Variants in SSH1 observed in about 807,000 individuals in gnomAD.
SSH1 encodes slingshot protein phosphatase 1.
Under a neutral mutation model 79.7 loss-of-function variants are expected in SSH1, and 43 were observed. That is an observed-to-expected ratio of 0.54 (90% CI 0.42 to 0.70). The LOEUF (loss-of-function observed/expected upper bound fraction) is 0.70, where lower values mean the gene tolerates loss of function less well. SSH1 is among the 30% of genes least tolerant of loss of function. The pLI is 0.00. For synonymous variants in SSH1, 599 were observed against 538.3 expected, an observed-to-expected ratio of 1.11 and a Z score of -1.56; for missense variants, 1,206 against 1,358.8, an observed-to-expected ratio of 0.89 and a Z score of 1.77.
Position 108,826,070 on chromosome 12 carries a change from T to C in SSH1, c.111-2709A>G, listed in dbSNP as rs1481355016. The C allele has an allele frequency of 3.4e-5, 15 of 440,282 alleles. No individual in the cohort carries two copies. The East Asian group carries it at 9.1e-4, about 27-fold the overall frequency. 27.3% of individuals were successfully genotyped at this position (440,282 alleles called of 1,614,324 possible). ...TTCGAGACAACATCAACTGCTTTTGTTCATGAGATTAAAAAAAAAAAATTC... is the reference window on the plus strand; with the variant it reads ...TTCGAGACAACATCAACTGCTTTTGCTCATGAGATTAAAAAAAAAAAATTC... On this transcript the variant is annotated intron_variant, in intron 2 of 14. Transcript: ENST00000326495.
Position 108,857,459 on chromosome 12 carries a change from C to CTGGGCG in SSH1, c.32_37dup (p.Thr11_Pro12dup). ...GTTGCTGGCCGAGGAGGAGGCGGCG[C>CTGGGCG]TGGGCGTGGGCGAGCGCTGCAGGGT... is the stretch of plus-strand genomic sequence containing the variant. On this transcript the variant is annotated inframe_insertion, in exon 1 of 15. Coordinates refer to ENST00000326495, the MANE Select transcript of SSH1 (RefSeq NM_018984.4). The surrounding 1 kb of genome is among the most constrained non-coding windows in gnomAD (Gnocchi z 4.7). 8.9e-7 allele frequency: 1 copy of CTGGGCG among 1,122,962 alleles called. No individual in the cohort carries two copies. The highest frequency in any genetic ancestry group is 1.1e-6 in the Non-Finnish European group (1 of 900,624). 69.6% of individuals were successfully genotyped at this position (1,122,962 alleles called of 1,614,324 possible). A position where few individuals can be genotyped will look rare whatever the true frequency, so the allele number is the denominator to read the frequency against.
chr12:108,822,551 A>G (rs2038162888), intron 3 of SSH1, among the ~76,000 whole-genome samples: 1 of 152,136 alleles, frequency 6.6e-6, no homozygotes, highest in Non-Finnish European at 1.5e-5. Context: ...GGCTCAAGCG[A>G]TCCTCCCAAC....
At chr12:108,803,663 G>A (rs926065899) in intron 10 of SSH1, among the ~76,000 whole-genome samples, 2 of 152,156 alleles carry the variant, frequency 1.3e-5, no homozygotes, top group African/African-American at 2.4e-5. Context: ...CGCGAGTGCC[G>A]CTGAAGCTGA....
intron 10 of SSH1, 117 bp downstream of exon 10, chr12:108,804,939 C>T (rs2037202848): frequency 2.3e-6 from 3 of 1,280,182 alleles, no homozygotes; most frequent in African/African-American, 3.0e-5. Context: ...AGGATGGAGG[C>T]TCTGGCAACT....
At chr12:108,836,837 T>C in intron 2 of SSH1, 1 of 504,482 alleles carries the variant, frequency 2.0e-6, no homozygotes, top group South Asian at 1.5e-5. Flanking sequence ...CCTTGGGTGA[T>C]GTTCCAGCCA....
At chr12:108,808,268 T>TG (rs1209280333) in intron 7 of SSH1, among the ~76,000 whole-genome samples, 1 of 152,212 alleles carries the variant, frequency 6.6e-6, no homozygotes, top group Non-Finnish European at 1.5e-5. Context: ...GGCTCACTCT[T>TG]GGAGTCACAC....
Position 108,784,161 on chromosome 12 carries a change from G to C in SSH1, c.*3827C>G, listed in dbSNP as rs928707162. On this transcript the variant is annotated 3_prime_UTR_variant, in exon 15 of 15. Coordinates refer to ENST00000326495, the MANE Select transcript of SSH1 (RefSeq NM_018984.4). ...GCATTTGTTCCCACTAGAGAGAAAA[G>C]GTCCCCAGGAGAGTGGTAGGGAAAT... 6 of 152,222 alleles carry C rather than the reference G, an allele frequency of 3.9e-5. No homozygotes were observed. Among genetic ancestry groups the C allele is most frequent in the African/African-American group, 1.4e-4 (6 of 41,436 alleles). 9.4% of individuals were successfully genotyped at this position (152,222 alleles called of 1,614,324 possible).
At chr12:108,814,024 G>A (rs2037764712) in intron 5 of SSH1, among the ~76,000 whole-genome samples, 1 of 152,104 alleles carries the variant, frequency 6.6e-6, no homozygotes, top group African/African-American at 2.4e-5. Context: ...AGTAGTTCGA[G>A]ACCAGCCTGG....
In SSH1 at chr12:108,840,540, A is replaced by ATC. The variant is rs1315110987; in HGVS notation, c.110+12097_110+12098insGA. Among the ~76,000 whole-genome samples the ATC allele has an allele frequency of 4.1e-5, 6 of 146,732 alleles. No homozygotes were observed. The East Asian group carries it at 1.2e-3, about 29-fold the overall frequency. ...GGAGCAAGACTGTCTCAAAAAAAAG[A>ATC]AAAAAAAAAAGAAAATGGCTCCTCT... On this transcript the variant is annotated intron_variant, in intron 2 of 14. Transcript: ENST00000326495.
intron 2 of SSH1, among the ~76,000 whole-genome samples, chr12:108,847,097 C>T (rs1352327999): frequency 2.0e-5 from 3 of 152,076 alleles, no homozygotes; most frequent in Non-Finnish European, 4.4e-5. Context: ...TGGGGTCTTG[C>T]CATGTTGTGT....
intron 2 of SSH1, among the ~76,000 whole-genome samples, chr12:108,851,795 A>G (rs919042993): frequency 1.3e-5 from 2 of 152,240 alleles, no homozygotes; most frequent in Admixed American, 1.3e-4. Context: ...TCAAATCAGC[A>G]AAGTGCTTAC....
chr12:108,826,543 G>C (rs1464154370), intron 2 of SSH1: 1 of 125,194 alleles, frequency 8.0e-6, no homozygotes, highest in Non-Finnish European at 1.6e-5. Context: ...TCTCCGGGTG[G>C]GGGGTGGGGT....
chr12:108,817,179 C>A lies in SSH1; in HGVS notation c.280-20G>T, dbSNP rs570106605. The A allele has an allele frequency of 1.2e-5, 20 of 1,612,966 alleles. No homozygotes were observed. In the East Asian group the frequency reaches 3.6e-4, roughly 29 times the overall value. ...CACTGCCTGGAACAGGGCAGACATGCTCTCACTAACCTGCCTTTGGAGGTG... is the reference window on the plus strand; with the variant it reads ...CACTGCCTGGAACAGGGCAGACATGATCTCACTAACCTGCCTTTGGAGGTG... On this transcript the variant is annotated intron_variant, in intron 4 of 14. Transcript: ENST00000326495.
chr12:108,829,161 C>T (rs930248311), intron 2 of SSH1, among the ~76,000 whole-genome samples: 1 of 152,066 alleles, frequency 6.6e-6, no homozygotes, highest in Non-Finnish European at 1.5e-5. Context: ...AACCCTGTCT[C>T]TACTAAAAAT....
chr12:108,825,546 G>GT (rs2038279824), intron 2 of SSH1, among the ~76,000 whole-genome samples: 1 of 152,226 alleles, frequency 6.6e-6, no homozygotes, highest in Non-Finnish European at 1.5e-5. Flanking sequence ...AGAAGACTTA[G>GT]TTTTGCCTTC....
At chr12:108,853,798 C>T (rs2039091491) in intron 1 of SSH1, among the ~76,000 whole-genome samples, 2 of 152,060 alleles carry the variant, frequency 1.3e-5, no homozygotes, top group African/African-American at 4.8e-5. Context: ...GTGACATGTA[C>T]CTGTAATCCC....
At position 108,852,404 on chromosome 12, in the gene SSH1, G is replaced by GT. The variant is rs533038117; in HGVS notation, c.110+233dup. On this transcript the variant is annotated intron_variant, in intron 2 of 14. Transcript: ENST00000326495. ...CTACCACGCCCGGTTAATTTTTTCTGTTTTTTTAGTAGAGACAGGGTTTCA... is the reference window on the plus strand; with the variant it reads ...CTACCACGCCCGGTTAATTTTTTCTGTTTTTTTTAGTAGAGACAGGGTTTCA... 4.6e-4 allele frequency among the ~76,000 whole-genome samples: 70 copies of GT among 151,846 alleles called. 1 individual carries two copies. In the South Asian group the frequency reaches 0.013, roughly 29 times the overall value.
At chr12:108,843,366 C>T (rs865812866) in intron 2 of SSH1, among the ~76,000 whole-genome samples, 1 of 152,182 alleles carries the variant, frequency 6.6e-6, no homozygotes, top group East Asian at 1.9e-4. Context: ...TAGGGCCTAT[C>T]CAGGGCAAAC....
rs538025760 is a variant in SSH1, at chr12:108,790,067, C to T, written c.1894-823G>A. On this transcript the variant is annotated intron_variant, in intron 14 of 14. Transcript: ENST00000326495. Reference sequence around the variant, plus strand: ...CACTGTGATCCCAGCATCCCAACTTCCCCTCTTACCCCAGCAGCCTGCCTG... The same window carrying T: ...CACTGTGATCCCAGCATCCCAACTTTCCCTCTTACCCCAGCAGCCTGCCTG... 1.8e-4 allele frequency among the ~76,000 whole-genome samples: 27 copies of T among 152,278 alleles called. 1 individual carries two copies. The highest frequency in any genetic ancestry group is 5.5e-4 in the African/African-American group (23 of 41,552).
Sources: gnomAD v4.1 joint callset for allele counts (sites outside exome capture counted in the v4.1 genomes callset) on GRCh38, gnomAD v4.1.1 for gene constraint, Gnocchi (gnomAD v3.1) non-coding constraint, MANE v1.5 for transcripts, NCBI Gene and HGNC (gene_info 2026-07-23, HGNC 2026-07-21) for gene names.